ADCY1: variants seen among roughly 807,000 people sequenced by gnomAD.
ADCY1 encodes adenylate cyclase 1, also known as adenylate cyclase type 1.
In ADCY1, 28 loss-of-function variants were observed where a neutral mutation model predicts 105.4. The observed-to-expected ratio is 0.27, with a 90% CI of 0.20 to 0.36. ADCY1 has a LOEUF of 0.36. Among genes scored for constraint, ADCY1 ranks in the 10% least tolerant of loss-of-function variants. The pLI, the probability that ADCY1 is intolerant of heterozygous loss-of-function variation, is 1.00. For missense variants in ADCY1, 977 were observed against 1,434.2 expected (o/e 0.68, Z 5.15); for synonymous variants, 655 against 623.8 (o/e 1.05, Z -0.75).
chr7:45,642,298 A>C (rs1414320083), intron 4 of ADCY1, among the ~76,000 whole-genome samples: 1 of 152,212 alleles, frequency 6.6e-6, no homozygotes, highest in South Asian at 2.1e-4. Context: ...GCTCAGGGCT[A>C]TAGGAGTGGG....
Position 45,629,508 on chromosome 7 carries a change from A to AC in ADCY1, c.1020+6766dup, listed in dbSNP as rs1334260343. On this transcript the variant is annotated intron_variant, in intron 4 of 19. Transcript: ENST00000297323. ...AAAAAACATGGCAGATGTATGCTTA[A>AC]CTTTTTTTTTTTTTTTTTTTTGAGA... Among the ~76,000 whole-genome samples the AC allele has an allele frequency of 4.9e-3, 719 of 145,976 alleles. 12 individuals are homozygous for AC. Among genetic ancestry groups the AC allele is most frequent in the Middle Eastern group, 0.022 (6 of 276 alleles).
At chr7:45,589,284 C>T (rs1792831426) in intron 1 of ADCY1, among the ~76,000 whole-genome samples, 1 of 152,140 alleles carries the variant, frequency 6.6e-6, no homozygotes, top group Non-Finnish European at 1.5e-5. Flanking sequence ...GGCTCTGGGC[C>T]ACCTTGTGGT....
intron 1 of ADCY1, among the ~76,000 whole-genome samples, chr7:45,589,788 T>TG (rs1792854557): frequency 6.7e-6 from 1 of 149,356 alleles, no homozygotes; most frequent in African/African-American, 2.5e-5. Context: ...CCCTCCACCG[T>TG]GGGTTTTTTT....
At chr7:45,593,300 G>A (rs76176648) in intron 2 of ADCY1, among the ~76,000 whole-genome samples, 9,195 of 152,276 alleles carry the variant, frequency 0.06, 273 homozygotes, top group Non-Finnish European at 0.069. Context: ...CCTTGGCTCA[G>A]TGTGGCCGAC....
chr7:45,583,939 T>TTTTTTG lies in ADCY1; in HGVS notation c.639+8762_639+8763insGTTTTT, dbSNP rs1425970381. On this transcript the variant is annotated intron_variant, in intron 1 of 19. Coordinates refer to ENST00000297323, the MANE Select transcript of ADCY1 (RefSeq NM_021116.4). ...ACAGGCATGAGCCACTGTGCCCTGT[T>TTTTTTG]TTTTTTTTTTTTTTTTTTTTTTTTT... Among the ~76,000 whole-genome samples the TTTTTTG allele has an allele frequency of 8.4e-4, 78 of 92,562 alleles. 1 individual carries two copies. The highest frequency in any genetic ancestry group is 2.5e-3 in the African/African-American group (70 of 27,892). The allele number at this position is 92,562 out of a possible 152,430, so 60.7% of individuals were successfully genotyped here.
At chr7:45,696,193 C>T (rs996556214) in intron 14 of ADCY1, among the ~76,000 whole-genome samples, 19 of 149,572 alleles carry the variant, frequency 1.3e-4, no homozygotes, top group African/African-American at 4.6e-4. Context: ...AATCCCAGCA[C>T]TTTGGGAGGC....
At position 45,720,085 on chromosome 7, in the gene ADCY1, T is replaced by G. The variant is rs1363975623; in HGVS notation, c.*6090T>G. On this transcript the variant is annotated 3_prime_UTR_variant, in exon 20 of 20. Coordinates refer to ENST00000297323, the MANE Select transcript of ADCY1 (RefSeq NM_021116.4). ...TCCCCTCCAGTTACCAGGAGCCGAT[T>G]TGGAGGCCAGGCCTTCCCAGCTGAG... 1.3e-5 allele frequency: 2 copies of G among 152,202 alleles called. No individual in the cohort carries two copies. Among genetic ancestry groups the G allele is most frequent in the East Asian group, 3.9e-4 (2 of 5,192 alleles). The allele number at this position is 152,202 out of a possible 1,614,324, so 9.4% of individuals were successfully genotyped here. A position where few individuals can be genotyped will look rare whatever the true frequency, so the allele number is the denominator to read the frequency against.
intron 2 of ADCY1, among the ~76,000 whole-genome samples, chr7:45,599,920 G>T (rs1194338167): frequency 1.3e-5 from 2 of 152,230 alleles, no homozygotes; most frequent in Non-Finnish European, 2.9e-5. Context: ...GCCGCCTTGA[G>T]CGGCCTTGCC....
At chr7:45,631,374 C>T (rs978513419) in intron 4 of ADCY1, among the ~76,000 whole-genome samples, 1 of 152,234 alleles carries the variant, frequency 6.6e-6, no homozygotes, top group Non-Finnish European at 1.5e-5. Context: ...TTTAACTCTG[C>T]AAATGTCCTC....
At chr7:45,597,963 C>T (rs1338165418) in intron 2 of ADCY1, among the ~76,000 whole-genome samples, 2 of 152,176 alleles carry the variant, frequency 1.3e-5, no homozygotes, top group African/African-American at 2.4e-5. Context: ...CTCCTCTCAA[C>T]ACAGCAAAAC....
intron 1 of ADCY1, among the ~76,000 whole-genome samples, chr7:45,584,273 C>T (rs899324543): frequency 2.0e-5 from 3 of 152,232 alleles, no homozygotes; most frequent in East Asian, 1.9e-4. Context: ...TGACATGGTT[C>T]GCCTGATTGC....
chr7:45,623,326 C>T (rs1242664481), intron 4 of ADCY1, among the ~76,000 whole-genome samples: 1 of 152,240 alleles, frequency 6.6e-6, no homozygotes. Context: ...AAGGCCATAC[C>T]AACAGCGTTG....
intron 10 of ADCY1, 135 bp downstream of exon 10, chr7:45,678,398 A>G (rs1020304777): frequency 4.8e-5 from 39 of 818,606 alleles, no homozygotes; most frequent in African/African-American, 3.4e-5. Flanking sequence ...TATTGTCCCA[A>G]TGTGCCCAAC....
intron 3 of ADCY1, among the ~76,000 whole-genome samples, chr7:45,617,678 G>A (rs1793774499): frequency 6.6e-6 from 1 of 152,060 alleles, no homozygotes; most frequent in Non-Finnish European, 1.5e-5. Flanking sequence ...ATTTAACCAA[G>A]GATGTAAAAG....
chr7:45,622,201 C>T (rs563471476), intron 3 of ADCY1, among the ~76,000 whole-genome samples: 32 of 152,286 alleles, frequency 2.1e-4, no homozygotes, highest in Non-Finnish European at 3.7e-4. Flanking sequence ...GAGTTTCTTG[C>T]ATTCAGCTGG....
At position 45,622,510 on chromosome 7, in the gene ADCY1, T is replaced by C. The variant is rs1793930148; in HGVS notation, c.909-122T>C. 5.6e-6 allele frequency: 4 copies of C among 712,274 alleles called. No individual in the cohort carries two copies. In the East Asian group the frequency reaches 8.1e-5, roughly 14 times the overall value. 44.1% of individuals were successfully genotyped at this position (712,274 alleles called of 1,614,324 possible). Reference sequence around the variant, plus strand: ...AGGAAGCCTTCATTTCTGGTCTGCATTGAGGAATAAATGGGGTGATTGATT... The same window carrying C: ...AGGAAGCCTTCATTTCTGGTCTGCACTGAGGAATAAATGGGGTGATTGATT... On this transcript the variant is annotated intron_variant, in intron 3 of 19. Coordinates refer to ENST00000297323, the MANE Select transcript of ADCY1 (RefSeq NM_021116.4).
intron 1 of ADCY1, among the ~76,000 whole-genome samples, chr7:45,578,240 A>C (rs1329793074): frequency 6.6e-6 from 1 of 152,126 alleles, no homozygotes; most frequent in Non-Finnish European, 1.5e-5. Context: ...CTTGATGCTG[A>C]TGTCCCTGAG....
chr7:45,711,362 G>A (rs1045940163), intron 19 of ADCY1, among the ~76,000 whole-genome samples: 7 of 151,972 alleles, frequency 4.6e-5, no homozygotes, highest in African/African-American at 1.7e-4. Context: ...AGCTATTCAC[G>A]GGGGCAGTTT....
Position 45,721,899 on chromosome 7 carries a change from C to A in ADCY1, c.*7904C>A, listed in dbSNP as rs1000628207. The A allele has an allele frequency of 1.8e-5, 7 of 398,472 alleles. No individual in the cohort carries two copies. Among genetic ancestry groups the A allele is most frequent in the Non-Finnish European group, 3.1e-5 (7 of 226,074 alleles). The allele number at this position is 398,472 out of a possible 1,614,324, so 24.7% of individuals were successfully genotyped here. Reference sequence around the variant, plus strand: ...CACTTATTGAGAATTAATGTTTAAACAGACATAATAGCCTAGATGAACTCC... The same window carrying A: ...CACTTATTGAGAATTAATGTTTAAAAAGACATAATAGCCTAGATGAACTCC... On this transcript the variant is annotated 3_prime_UTR_variant, in exon 20 of 20. Coordinates refer to ENST00000297323, the MANE Select transcript of ADCY1 (RefSeq NM_021116.4).
Sources: gnomAD v4.1 joint callset for allele counts (sites outside exome capture counted in the v4.1 genomes callset) on GRCh38, gnomAD v4.1.1 for gene constraint, MANE v1.5 for transcripts, NCBI Gene and HGNC (gene_info 2026-07-23, HGNC 2026-07-21) for gene names.